The following PDE4D variants were observed in gnomAD, a reference collection of about 807,000 sequenced individuals.
The protein encoded by PDE4D is phosphodiesterase 4D.
In PDE4D, 24 loss-of-function variants were observed where a neutral mutation model predicts 87.4. The observed-to-expected ratio is 0.27, with a 90% CI of 0.20 to 0.39. PDE4D has a LOEUF of 0.39. PDE4D is among the 10% of genes least tolerant of loss of function. The pLI is 1.00. For synonymous variants in PDE4D, 384 were observed against 383.2 expected (o/e 1.00, Z -0.02); for missense variants, 714 against 1,041.0 (o/e 0.69, Z 4.32).
At chr5:60,134,579 C>T (rs1016473486) in intron 2 of PDE4D, among the ~76,000 whole-genome samples, 1 of 152,170 alleles carries the variant, frequency 6.6e-6, no homozygotes, top group African/African-American at 2.4e-5. Context: ...CTTCCAGGAC[C>T]TCTGGCAGAC....
rs1308002033 is a variant in PDE4D, at chr5:58,973,603, A to ATATC, written c.*1057_*1060dup. On this transcript the variant is annotated 3_prime_UTR_variant, in exon 15 of 15. Transcript: ENST00000340635. ...ACCATTTTAGCTACTGGGTATTTAT[A>ATATC]TATCTCCCACTTGCTTCAGACAACA... 1.7e-4 allele frequency: 26 copies of ATATC among 152,754 alleles called. No individual in the cohort carries two copies. The highest frequency in any genetic ancestry group is 5.1e-4 in the African/African-American group (21 of 41,580). The allele number at this position is 152,754 out of a possible 1,614,324, so 9.5% of individuals were successfully genotyped here. A position where few individuals can be genotyped will look rare whatever the true frequency, so the allele number is the denominator to read the frequency against.
At chr5:59,112,235 A>G (rs1386955035) in intron 5 of PDE4D, among the ~76,000 whole-genome samples, 1 of 152,200 alleles carries the variant, frequency 6.6e-6, no homozygotes, top group African/African-American at 2.4e-5. Flanking sequence ...GAAGATCAGC[A>G]AGGAGGCTAA....
At chr5:60,148,879 T>TTAAATAAA (rs1781248471) in intron 2 of PDE4D, among the ~76,000 whole-genome samples, 1 of 152,168 alleles carries the variant, frequency 6.6e-6, no homozygotes, top group Non-Finnish European at 1.5e-5. Flanking sequence ...TATGGGAAAC[T>TTAAATAAA]CAAATGCTTA....
rs1331825221 is a variant in PDE4D, at chr5:59,215,862, G to A, written c.562C>T (p.Arg188Trp). The A allele has an allele frequency of 6.2e-7, 1 of 1,613,598 alleles. No homozygotes were observed. The part of the protein sequence containing the change: ...LQANFVHSQR[R>W]ESFLYRSDSD... ...TCGGATCGATACAGGAAGGACTCCC[G>A]TCGTTGACTGTGGACAAAATTTGCT... is the stretch of plus-strand genomic sequence containing the variant. Residue 188 changes from arginine to tryptophan, a missense_variant, in exon 2 of 15, where the codon CGG (arginine) becomes TGG (tryptophan). Coordinates refer to ENST00000340635, the MANE Select transcript of PDE4D (RefSeq NM_001104631.2).
At chr5:59,188,645 G>C (rs1036364697) in intron 3 of PDE4D, among the ~76,000 whole-genome samples, 7 of 152,168 alleles carry the variant, frequency 4.6e-5, no homozygotes, top group Non-Finnish European at 7.3e-5. Flanking sequence ...CAGACCATGA[G>C]GTTGAGGTGC....
At chr5:59,493,311 G>A (rs1216199058) in intron 1 of PDE4D, among the ~76,000 whole-genome samples, 5 of 152,114 alleles carry the variant, frequency 3.3e-5, no homozygotes, top group African/African-American at 1.2e-4. Context: ...ACACATCTCT[G>A]CAGAAACATG....
intron 1 of PDE4D, among the ~76,000 whole-genome samples, chr5:59,771,815 A>T (rs1449127893): frequency 6.6e-6 from 1 of 152,244 alleles, no homozygotes; most frequent in East Asian, 1.9e-4. Context: ...GGACAAAAGC[A>T]TTCTGCAGAT....
chr5:60,293,696 T>C lies in PDE4D; in HGVS notation c.-89-108009A>G, dbSNP rs576192742. Reference sequence around the variant, plus strand: ...CCTAGAAATGGAATCATACCACATGTATTCCTTTTTGTCTCGATTCCTTGA... The same window carrying C: ...CCTAGAAATGGAATCATACCACATGCATTCCTTTTTGTCTCGATTCCTTGA... On this transcript the variant is annotated intron_variant, in intron 1 of 16. Transcript: ENST00000502484. 4.7e-4 allele frequency among the ~76,000 whole-genome samples: 71 copies of C among 152,312 alleles called. 1 individual carries two copies. The highest frequency in any genetic ancestry group is 1.6e-3 in the African/African-American group (68 of 41,572).
chr5:59,657,036 T>C (rs1580205076), intron 1 of PDE4D, among the ~76,000 whole-genome samples: 1 of 152,182 alleles, frequency 6.6e-6, no homozygotes, highest in Non-Finnish European at 1.5e-5. Context: ...ATGAGGCACG[T>C]GGCAAGAATT....
At chr5:59,299,215 C>T (rs1769694297) in intron 1 of PDE4D, among the ~76,000 whole-genome samples, 1 of 152,090 alleles carries the variant, frequency 6.6e-6, no homozygotes, top group Non-Finnish European at 1.5e-5. Flanking sequence ...GCATAAATAA[C>T]CTGGGAGTGG....
At chr5:59,529,104 T>C in intron 1 of PDE4D, 1 of 472,200 alleles carries the variant, frequency 2.1e-6, no homozygotes. Context: ...TATTCTAATT[T>C]CAGACTCACT....
intron 1 of PDE4D, among the ~76,000 whole-genome samples, chr5:60,415,428 C>T (rs966698696): frequency 7.2e-5 from 11 of 152,256 alleles, no homozygotes; most frequent in Non-Finnish European, 1.3e-4. Context: ...CCGGAGCCGG[C>T]GCCCTCAGCT....
intron 1 of PDE4D, among the ~76,000 whole-genome samples, chr5:59,809,442 T>C (rs1768093462): frequency 6.6e-6 from 1 of 152,140 alleles, no homozygotes; most frequent in African/African-American, 2.4e-5. Flanking sequence ...AAATACAAAT[T>C]TCCCAATAAA....
At chr5:59,424,813 C>T (rs907246476) in intron 1 of PDE4D, among the ~76,000 whole-genome samples, 1 of 152,162 alleles carries the variant, frequency 6.6e-6, no homozygotes, top group Non-Finnish European at 1.5e-5. Context: ...GATGAAAACA[C>T]ACAAGTAGTC....
At chr5:59,367,953 G>A (rs1179071666) in intron 1 of PDE4D, among the ~76,000 whole-genome samples, 1 of 152,224 alleles carries the variant, frequency 6.6e-6, no homozygotes, top group Admixed American at 6.5e-5. Flanking sequence ...TTTCCTTCAC[G>A]AGGAGCTAGC....
At chr5:59,546,283 A>AT (rs1159031957) in intron 1 of PDE4D, among the ~76,000 whole-genome samples, 1 of 152,116 alleles carries the variant, frequency 6.6e-6, no homozygotes, top group Non-Finnish European at 1.5e-5. Flanking sequence ...ATAATTTTGT[A>AT]TTTTTTATGA....
At chr5:59,000,651 T>C (rs575883896) in intron 6 of PDE4D, among the ~76,000 whole-genome samples, 2 of 152,292 alleles carry the variant, frequency 1.3e-5, no homozygotes, top group Non-Finnish European at 2.9e-5. Flanking sequence ...CAGTGTTTTG[T>C]ATATAGAACT....
intron 1 of PDE4D, among the ~76,000 whole-genome samples, chr5:59,573,696 C>T (rs987760937): frequency 2.0e-5 from 3 of 151,804 alleles, no homozygotes; most frequent in Non-Finnish European, 2.9e-5. Context: ...CCCAAGGGCA[C>T]GTTCAAAATA....
At chr5:59,228,202 T>G (rs1282808236) in intron 1 of PDE4D, among the ~76,000 whole-genome samples, 1 of 151,888 alleles carries the variant, frequency 6.6e-6, no homozygotes, top group African/African-American at 2.4e-5. Flanking sequence ...AACCAAATAA[T>G]GAGAACACAC....
Sources: gnomAD v4.1 joint callset for allele counts (sites outside exome capture counted in the v4.1 genomes callset) on GRCh38, gnomAD v4.1.1 for gene constraint, MANE v1.5 for transcripts, NCBI Gene and HGNC (gene_info 2026-07-23, HGNC 2026-07-21) for gene names.